CEP152: variants seen among roughly 807,000 people sequenced by gnomAD.
The protein encoded by CEP152 is centrosomal protein of 152 kDa.
CEP152 carries 132 observed loss-of-function variants against 188.9 expected under a neutral mutation model. The ratio of observed to expected loss-of-function variants is 0.70; its 90% confidence interval spans 0.61 to 0.81. The LOEUF is 0.81. Among genes scored for constraint, CEP152 ranks in the 30% least tolerant of loss-of-function variants. The probability of loss-of-function intolerance (pLI) is 0.00; values close to 1 mark genes in which losing one functional copy is unlikely to be tolerated. For missense variants in CEP152, 1,914 were observed against 1,969.8 expected (o/e 0.97, Z 0.54); for synonymous variants, 649 against 666.6 (o/e 0.97, Z 0.41).
intron 13 of CEP152, among the ~76,000 whole-genome samples, chr15:48,769,562 T>C (rs941927116): frequency 6.6e-6 from 1 of 152,210 alleles, no homozygotes; most frequent in African/African-American, 2.4e-5. Context: ...AGACACATGA[T>C]ATCACTATGT....
At chr15:48,792,200 C>G (rs977110589) in intron 7 of CEP152, among the ~76,000 whole-genome samples, 2 of 152,078 alleles carry the variant, frequency 1.3e-5, no homozygotes, top group African/African-American at 4.8e-5. Flanking sequence ...CCATGTTAGC[C>G]AGGATGATCT....
rs367643016 is a variant in CEP152 at position 48,739,054 on chromosome 15, A to G, written c.4328T>C (p.Phe1443Ser). ...CTTGCAACTACCATCCCCAAACTGG[A>G]ATTCCAAATGTGTCTCTTTGGATCC... ...HVGSKETHLEFQFGDGSCKHL... is the reference protein window; with the variant it reads ...HVGSKETHLESQFGDGSCKHL... The change falls in exon 27 of 27, where the codon TTC becomes TCC. Residue 1443 changes from phenylalanine (F) to serine (S), a missense_variant. Transcript: ENST00000380950. 1 of 1,614,056 alleles carries G rather than the reference A, an allele frequency of 6.2e-7. No homozygotes were observed. Among genetic ancestry groups the G allele is most frequent in the African/African-American group, 1.3e-5 (1 of 74,928 alleles).
At chr15:48,799,522 C>A (rs1013878623) in intron 2 of CEP152, among the ~76,000 whole-genome samples, 1 of 151,942 alleles carries the variant, frequency 6.6e-6, no homozygotes, top group Non-Finnish European at 1.5e-5. Flanking sequence ...AAAGATGCAA[C>A]AAGAGAAAGA....
chr15:48,796,467 A>G lies in CEP152; in HGVS notation c.541-307T>C, dbSNP rs540453226. On this transcript the variant is annotated intron_variant, in intron 5 of 26. Transcript: ENST00000380950. ...TTATAAATAAAACCCAAGAATTCCA[A>G]TAAGACTATATAGAAATATTTTATT... 7.2e-5 allele frequency among the ~76,000 whole-genome samples: 11 copies of G among 152,298 alleles called. No individual in the cohort carries two copies. The South Asian group carries it at 1.7e-3, about 23-fold the overall frequency.
At chr15:48,732,745 A>G (rs1892467925) in intron 2 of CEP152, among the ~76,000 whole-genome samples, 1 of 151,988 alleles carries the variant, frequency 6.6e-6, no homozygotes, top group Non-Finnish European at 1.5e-5. Context: ...TAATTCTTTA[A>G]ACATTTTACC....
intron 6 of CEP152, among the ~76,000 whole-genome samples, chr15:48,793,863 T>C (rs936583128): frequency 6.6e-6 from 1 of 152,232 alleles, no homozygotes; most frequent in Admixed American, 6.5e-5. Context: ...TAAAGTAATA[T>C]GCTGTCAGAA....
Position 48,741,976 on chromosome 15 carries a change from T to C in CEP152, c.3960A>G (p.Gln1320=). 2.5e-6 allele frequency: 4 copies of C among 1,614,178 alleles called. No individual in the cohort carries two copies. The highest frequency in any genetic ancestry group is 3.4e-6 in the Non-Finnish European group (4 of 1,180,016). The change falls in exon 25 of 27, where the codon CAA becomes CAG. Residue 1320 remains glutamine (Q), a synonymous_variant. Coordinates refer to ENST00000380950, the MANE Select transcript of CEP152 (RefSeq NM_001194998.2). ...KMRKYYLICL[Q]QILQDDGKEG... is the part of the protein sequence containing the mutation. ...CTTTTCCATCATCCTGCAAAATCTGTTGGAGGCAAATCAAATAATATTTGC... is the reference window on the plus strand; with the variant it reads ...CTTTTCCATCATCCTGCAAAATCTGCTGGAGGCAAATCAAATAATATTTGC...
chr15:48,741,921 G>A, intron 25 of CEP152, 26 bp downstream of exon 25: 10 of 1,614,108 alleles, frequency 6.2e-6, no homozygotes, highest in Non-Finnish European at 8.5e-6. Flanking sequence ...GGTAATCTCA[G>A]GACACATTGT....
intron 20 of CEP152, among the ~76,000 whole-genome samples, chr15:48,752,818 T>C (rs1893973947): frequency 6.6e-6 from 1 of 152,240 alleles, no homozygotes; most frequent in Admixed American, 6.5e-5. Context: ...AGAATTGTTC[T>C]TGAAAATCTA....
chr15:48,760,588 C>T (rs76382039), intron 18 of CEP152, among the ~76,000 whole-genome samples: 1 of 152,246 alleles, frequency 6.6e-6, no homozygotes, highest in East Asian at 1.9e-4. Context: ...AAGAGAAGGC[C>T]TCCTGGAGGA....
intron 17 of CEP152, among the ~76,000 whole-genome samples, chr15:48,766,755 C>CT (rs1442389765): frequency 6.7e-6 from 1 of 149,826 alleles, no homozygotes; most frequent in Non-Finnish European, 1.5e-5. Context: ...AAATGAGGAT[C>CT]TGTGATTTTC....
At chr15:48,770,490 A>G (rs890020487) in intron 13 of CEP152, among the ~76,000 whole-genome samples, 1 of 141,574 alleles carries the variant, frequency 7.1e-6, no homozygotes, top group Non-Finnish European at 1.5e-5. Context: ...TCTGTATAGC[A>G]AATGCCATTA....
intron 17 of CEP152, among the ~76,000 whole-genome samples, chr15:48,766,209 C>T (rs950033280): frequency 5.9e-5 from 9 of 152,178 alleles, no homozygotes; most frequent in Non-Finnish European, 1.3e-4. Context: ...CTCGCCTGCT[C>T]TTTACTATTC....
chr15:48,807,353 A>C (rs1898046539), intron 1 of CEP152, among the ~76,000 whole-genome samples: 1 of 152,218 alleles, frequency 6.6e-6, no homozygotes, highest in African/African-American at 2.4e-5. Flanking sequence ...CTATGCAAAT[A>C]GACTTAATAT....
intron 26 of CEP152, chr15:48,740,590 T>G (rs965061499): frequency 6.6e-6 from 1 of 151,412 alleles, no homozygotes; most frequent in Non-Finnish European, 1.5e-5. Context: ...AGTTATACGT[T>G]CTATGTTTTT....
intron 6 of CEP152, among the ~76,000 whole-genome samples, chr15:48,793,898 A>C (rs1308690041): frequency 2.0e-5 from 3 of 152,218 alleles, no homozygotes; most frequent in African/African-American, 7.2e-5. Context: ...CAAGTACATC[A>C]GCTTCTATAA....
At chr15:48,762,071 G>A (rs1894725557) in intron 18 of CEP152, among the ~76,000 whole-genome samples, 1 of 152,210 alleles carries the variant, frequency 6.6e-6, no homozygotes, top group Non-Finnish European at 1.5e-5. Flanking sequence ...AATTAGATAT[G>A]AAAGATTAAT....
Position 48,756,131 on chromosome 15 carries a change from G to A in CEP152, c.3117C>T (p.Ile1039=), listed in dbSNP as rs576054020. ...TCAGGATGTCTTCCTCATACTGATAGATTTCCAGTTGGATCCGCTTGGCTT... is the reference window on the plus strand; with the variant it reads ...TCAGGATGTCTTCCTCATACTGATAAATTTCCAGTTGGATCCGCTTGGCTT... ...MQEAKRIQLE[I]YQYEEDILTV... Residue 1039 remains isoleucine, a synonymous_variant, in exon 20 of 27, where the codon ATC becomes ATT. Coordinates refer to ENST00000380950, the MANE Select transcript of CEP152 (RefSeq NM_001194998.2). 10 of 1,614,090 alleles carry A rather than the reference G, an allele frequency of 6.2e-6. No homozygotes were observed. The East Asian group carries it at 2.2e-4, about 36-fold the overall frequency.
intron 2 of CEP152, among the ~76,000 whole-genome samples, chr15:48,732,334 C>T (rs1165540310): frequency 1.3e-5 from 2 of 152,130 alleles, no homozygotes; most frequent in African/African-American, 4.8e-5. Context: ...ACATACACAC[C>T]ATGGAATACT....
Sources: gnomAD v4.1 joint callset for allele counts (sites outside exome capture counted in the v4.1 genomes callset) on GRCh38, gnomAD v4.1.1 for gene constraint, MANE v1.5 for transcripts, NCBI Gene and HGNC (gene_info 2026-07-23, HGNC 2026-07-21) for gene names.